OR1C1: variants seen among roughly 807,000 people sequenced by gnomAD.
OR1C1 encodes olfactory receptor 1C1.
For missense variants in OR1C1, 407 were observed against 384.3 expected, an observed-to-expected ratio of 1.06 and a Z score of -0.49; for synonymous variants, 153 against 154.6, an observed-to-expected ratio of 0.99 and a Z score of 0.08.
rs772053488 is a variant in OR1C1, at chr1:247,758,289, A to G, written c.118T>C (p.Leu40=). 80 of 1,613,884 alleles carry G rather than the reference A, an allele frequency of 5.0e-5. No individual in the cohort carries two copies. Among genetic ancestry groups the G allele is most frequent in the Non-Finnish European group, 6.4e-5 (76 of 1,179,968 alleles). Residue 40 remains leucine (L), a synonymous_variant, in exon 2 of 2, where the codon TTG becomes CTG. Transcript: ENST00000641256. ...LFLCMYLATT[L]GNMLIIATIG... The stretch of plus-strand genomic sequence containing the variant: ...GTCGCAATGATGAGCATGTTCCCCA[A>G]GGTGGTGGCTAAATACATACAGAGA...
At position 247,757,605 on chromosome 1, in the gene OR1C1, G is replaced by T. The variant is rs1661234668; in HGVS notation, c.802C>A (p.Pro268Thr). Residue 268 changes from proline (P) to threonine (T), a missense_variant, in exon 2 of 2, where the codon CCT becomes ACT. Coordinates refer to ENST00000641256, the MANE Select transcript of OR1C1 (RefSeq NM_012353.3). ...VYFSPSSPHM[P>T]ESDTLSTIMY... ...ATGGTTGACAGAGTGTCGCTCTCAG[G>T]CATATGGGGGGATGAAGGGCTGAAA... 2 of 1,614,084 alleles carry T rather than the reference G, an allele frequency of 1.2e-6. No individual in the cohort carries two copies. Among genetic ancestry groups the T allele is most frequent in the Non-Finnish European group, 1.7e-6 (2 of 1,180,006 alleles).
At position 247,757,448 on chromosome 1, in the gene OR1C1, A is replaced by G. The variant is rs1285832240; in HGVS notation, c.*14T>C. ...TCACCACATTAGTATTATTTAATTCAGTCACTGAGGTCATTATTGCTGCTG... is the reference window on the plus strand; with the variant it reads ...TCACCACATTAGTATTATTTAATTCGGTCACTGAGGTCATTATTGCTGCTG... On this transcript the variant is annotated 3_prime_UTR_variant, in exon 2 of 2. Transcript: ENST00000641256. The G allele has an allele frequency of 1.9e-6, 3 of 1,587,010 alleles. No homozygotes were observed. In the African/African-American group the frequency reaches 4.0e-5, roughly 21 times the overall value.
Position 247,757,408 on chromosome 1 carries a change from A to T in OR1C1, c.*54T>A. 1.5e-6 allele frequency: 2 copies of T among 1,331,972 alleles called. No individual in the cohort carries two copies. Among genetic ancestry groups the T allele is most frequent in the Non-Finnish European group, 2.1e-6 (2 of 947,506 alleles). 82.5% of individuals were successfully genotyped at this position (1,331,972 alleles called of 1,614,324 possible). A position where few individuals can be genotyped will look rare whatever the true frequency, so the allele number is the denominator to read the frequency against. Reference sequence around the variant, plus strand: ...CTTCTCACTGTTATTGTGAGCATCTAGTCACACTTTCTTATCACCACATTA... The same window carrying T: ...CTTCTCACTGTTATTGTGAGCATCTTGTCACACTTTCTTATCACCACATTA... On this transcript the variant is annotated 3_prime_UTR_variant, in exon 2 of 2. Transcript: ENST00000641256.
rs41304161 is a variant in OR1C1 at position 247,757,936 on chromosome 1, G to A, written c.471C>T (p.Leu157=). The change falls in exon 2 of 2, where the codon CTC becomes CTT. Residue 157 remains leucine, a synonymous_variant. Transcript: ENST00000641256. ...GLWLVTYLHA[L]LHTVLIAQLS... ...GCTGTGCTATTAGGACAGTATGCAG[G>A]AGGGCGTGGAGGTAAGTAACAAGCC... 4,407 of 1,614,104 alleles carry A rather than the reference G, an allele frequency of 2.7e-3. 13 individuals are homozygous for A. The highest frequency in any genetic ancestry group is 3.2e-3 in the Non-Finnish European group (3,810 of 1,180,004).
intron 1 of OR1C1, among the ~76,000 whole-genome samples, chr1:247,759,058 T>C (rs1259379139): frequency 1.3e-5 from 2 of 152,128 alleles, no homozygotes; most frequent in Non-Finnish European, 2.9e-5. Flanking sequence ...GGACCCTTCC[T>C]TGTAGCATCT....
At chr1:247,758,487 AGTGTGT>A (rs61126187) in intron 1 of OR1C1, 68 bp from the exon 2 acceptor site, 38 of 596,788 alleles carry the variant, frequency 6.4e-5, no homozygotes, top group Middle Eastern at 4.4e-4. Flanking sequence ...AGAGAGAGAC[AGTGTGT>A]GTGTGTGTGT....
Position 247,757,205 on chromosome 1 carries a change from AC to A in OR1C1, c.*256del. 1 of 233,534 alleles carries A rather than the reference AC, an allele frequency of 4.3e-6. No individual in the cohort carries two copies. The highest frequency in any genetic ancestry group is 7.7e-6 in the Non-Finnish European group (1 of 129,752). 14.5% of individuals were successfully genotyped at this position (233,534 alleles called of 1,614,324 possible). On this transcript the variant is annotated 3_prime_UTR_variant, in exon 2 of 2. Coordinates refer to ENST00000641256, the MANE Select transcript of OR1C1 (RefSeq NM_012353.3). ...AGGTATATTTGTACTGGAGTCAGAAACTATTTATCAGCTATGGGTTGTATGC... is the reference window on the plus strand; with the variant it reads ...AGGTATATTTGTACTGGAGTCAGAAATATTTATCAGCTATGGGTTGTATGC...
intron 1 of OR1C1, chr1:247,758,691 A>T: frequency 3.3e-6 from 1 of 306,068 alleles, no homozygotes; most frequent in Non-Finnish European, 6.1e-6. Context: ...TTATGTGAAT[A>T]ATAACCATTT....
In OR1C1 at chr1:247,757,283, G is replaced by T; in HGVS notation, c.*179C>A. On this transcript the variant is annotated 3_prime_UTR_variant, in exon 2 of 2. Coordinates refer to ENST00000641256, the MANE Select transcript of OR1C1 (RefSeq NM_012353.3). ...CTTTCTGTATAAAGAATGCTATATG[G>T]TTTTTATATATTTACTCAGAGGATT... is the stretch of plus-strand genomic sequence containing the variant. 1 of 581,822 alleles carries T rather than the reference G, an allele frequency of 1.7e-6. No individual in the cohort carries two copies. Among genetic ancestry groups the T allele is most frequent in the Non-Finnish European group, 3.0e-6 (1 of 328,122 alleles). 36.0% of individuals were successfully genotyped at this position (581,822 alleles called of 1,614,324 possible).
At chr1:247,759,221 A>T (rs950651027) in intron 1 of OR1C1, among the ~76,000 whole-genome samples, 1 of 152,210 alleles carries the variant, frequency 6.6e-6, no homozygotes, top group African/African-American at 2.4e-5. Context: ...AATTATAAAA[A>T]TTATCAAATT....
chr1:247,757,147 T>A lies in OR1C1; in HGVS notation c.*315A>T. 1 of 198,348 alleles carries A rather than the reference T, an allele frequency of 5.0e-6. No individual in the cohort carries two copies. The highest frequency in any genetic ancestry group is 1.5e-4 in the South Asian group (1 of 6,642). The allele number at this position is 198,348 out of a possible 1,614,324, so 12.3% of individuals were successfully genotyped here. Reference sequence around the variant, plus strand: ...GAAAATTTATCTTAATATGTAGCATTTGGGAACTATATCACAGAGATTCTC... The same window carrying A: ...GAAAATTTATCTTAATATGTAGCATATGGGAACTATATCACAGAGATTCTC... On this transcript the variant is annotated 3_prime_UTR_variant, in exon 2 of 2. Transcript: ENST00000641256.
chr1:247,757,828 G>A lies in OR1C1; in HGVS notation c.579C>T (p.Ser193=), dbSNP rs1661246276. 1 of 1,613,954 alleles carries A rather than the reference G, an allele frequency of 6.2e-7. No individual in the cohort carries two copies. Among genetic ancestry groups the A allele is most frequent in the Non-Finnish European group, 8.5e-7 (1 of 1,179,944 alleles). ...CTGCAAAAATGATCATTACATTGAA[G>A]GAGACGTCAGAGCAAGAGAGCTGCA... ...PLLQLSCSDV[S]FNVMIIFAVG... The change falls in exon 2 of 2, where the codon TCC becomes TCT. Residue 193 remains serine, a synonymous_variant. Coordinates refer to ENST00000641256, the MANE Select transcript of OR1C1 (RefSeq NM_012353.3).
intron 1 of OR1C1, among the ~76,000 whole-genome samples, chr1:247,759,149 C>T (rs1452598306): frequency 7.2e-5 from 11 of 152,200 alleles, no homozygotes; most frequent in African/African-American, 2.2e-4. Context: ...TACTTCTTGA[C>T]GTCCCTCACT....
rs546644443 is a variant in OR1C1, at chr1:247,758,155, A to G, written c.252T>C (p.Asn84=). The change falls in exon 2 of 2, where the codon AAT becomes AAC. Residue 84 remains asparagine, a synonymous_variant. Transcript: ENST00000641256. ...AGATAGTCTTGGTGCCAGTCAAGAT[A>G]TTCACTACCATTTGGGGGACTGTAG... ...TSTTVPQMVV[N]ILTGTKTISF... The G allele has an allele frequency of 6.2e-7, 1 of 1,614,146 alleles. No homozygotes were observed. The highest frequency in any genetic ancestry group is 1.1e-5 in the South Asian group (1 of 91,076).
chr1:247,758,094 CGAA>C lies in OR1C1; in HGVS notation c.310_312del (p.Phe104del), dbSNP rs750890120. On this transcript the variant is annotated inframe_deletion, in exon 2 of 2. Transcript: ENST00000641256. Reference sequence around the variant, plus strand: ...AGGCTGTCCATATTCACAAAAGAAACGAAGAAGAAGAGCTGGGTGAGGCAGCCT... The same window carrying C: ...AGGCTGTCCATATTCACAAAAGAAACGAAGAAGAGCTGGGTGAGGCAGCCT... 2.7e-5 allele frequency: 43 copies of C among 1,613,902 alleles called. No individual in the cohort carries two copies. Among genetic ancestry groups the C allele is most frequent in the Admixed American group, 5.0e-5 (3 of 59,974 alleles).
In OR1C1 at chr1:247,757,781, G is replaced by A. The variant is rs12068080; in HGVS notation, c.626C>T (p.Thr209Met). The change falls in exon 2 of 2, where the codon ACG becomes ATG. Residue 209 changes from threonine (T) to methionine (M), a missense_variant. By Grantham distance (81) the Thr-to-Met change is moderately conservative. Coordinates refer to ENST00000641256, the MANE Select transcript of OR1C1 (RefSeq NM_012353.3). ...AGATACGAGGATACAGACAAGGGGC[G>A]TGAGAGCCAATAGACCTCCTACTGC... is the stretch of plus-strand genomic sequence containing the variant. ...IFAVGGLLAL[T>M]PLVCILVSYG... 1,449 of 1,613,968 alleles carry A rather than the reference G, an allele frequency of 9.0e-4. 12 individuals carry two copies. In the African/African-American group the frequency reaches 0.016, roughly 18 times the overall value.
At position 247,758,392 on chromosome 1, in the gene OR1C1, A is replaced by T; in HGVS notation, c.15T>A (p.Asn5Lys). 6.2e-7 allele frequency: 1 copy of T among 1,605,500 alleles called. No homozygotes were observed. The highest frequency in any genetic ancestry group is 8.5e-7 in the Non-Finnish European group (1 of 1,174,480). Residue 5 changes from asparagine (N) to lysine (K), a missense_variant, in exon 2 of 2, where the codon AAT becomes AAA. Transcript: ENST00000641256. MEKRNLTVVREFVLL... is the reference protein window; with the variant it reads MEKRKLTVVREFVLL... Reference sequence around the variant, plus strand: ...GGACGAATTCCCTGACAACTGTTAGATTTCTTTTTTCCATATTCCCAACAA... The same window carrying T: ...GGACGAATTCCCTGACAACTGTTAGTTTTCTTTTTTCCATATTCCCAACAA...
At chr1:247,758,699 T>G (rs986028419) in intron 1 of OR1C1, 33 of 279,406 alleles carry the variant, frequency 1.2e-4, no homozygotes, top group Non-Finnish European at 2.0e-4. Flanking sequence ...ATAATAACCA[T>G]TTTAATTGGG....
rs1661212507 is a variant in OR1C1 at position 247,756,469 on chromosome 1, A to G, written c.*993T>C. 6.6e-6 allele frequency: 1 copy of G among 152,176 alleles called. No homozygotes were observed. The highest frequency in any genetic ancestry group is 2.4e-5 in the African/African-American group (1 of 41,448). The allele number at this position is 152,176 out of a possible 1,614,324, so 9.4% of individuals were successfully genotyped here. A position where few individuals can be genotyped will look rare whatever the true frequency, so the allele number is the denominator to read the frequency against. On this transcript the variant is annotated 3_prime_UTR_variant, in exon 2 of 2. Coordinates refer to ENST00000641256, the MANE Select transcript of OR1C1 (RefSeq NM_012353.3). The surrounding 1 kb of genome is among the most constrained non-coding windows in gnomAD (Gnocchi z 4.3). ...CATGTGTTCGTTCAAGAAATTACAG[A>G]GGTCTGTGAGCAGACATTTTAATTC...
Sources: gnomAD v4.1 joint callset for allele counts (sites outside exome capture counted in the v4.1 genomes callset) on GRCh38, gnomAD v4.1.1 for gene constraint, Gnocchi (gnomAD v3.1) non-coding constraint, MANE v1.5 for transcripts, NCBI Gene and HGNC (gene_info 2026-07-23, HGNC 2026-07-21) for gene names.